The following EML6 variants were observed in gnomAD, a reference collection of about 807,000 sequenced individuals.
EML6 encodes the protein EMAP like 6.
A neutral mutation model predicts 240.1 loss-of-function variants in EML6; 154 were observed. The ratio of observed to expected loss-of-function variants is 0.64; its 90% CI spans 0.56 to 0.73. The LOEUF is 0.73. Among genes scored for constraint, EML6 ranks in the 30% least tolerant of loss-of-function variants. The probability of loss-of-function intolerance (pLI) is 0.00; values close to 1 mark genes in which losing one functional copy is unlikely to be tolerated. For synonymous variants in EML6, 1,148 were observed against 899.0 expected, an observed-to-expected ratio of 1.28 and a Z score of -4.95; for missense variants, 2,964 against 2,474.6, an observed-to-expected ratio of 1.20 and a Z score of -4.20.
rs561012711 is a variant in EML6, at chr2:54,818,202, CCTTA to C, written c.456+1322_456+1325del. Among the ~76,000 whole-genome samples the C allele has an allele frequency of 2.0e-5, 3 of 151,514 alleles. No individual in the cohort carries two copies. The South Asian group carries it at 6.2e-4, about 32-fold the overall frequency. On this transcript the variant is annotated intron_variant, in intron 4 of 41. Coordinates refer to ENST00000356458, the MANE Select transcript of EML6 (RefSeq NM_001039753.4). ...CAAACAGTTTAAACCAGTAAAATCT[CCTTA>C]CTTAGAAAAATAGCCTAATGTAATC...
At chr2:54,822,931 A>G (rs148101591) in intron 5 of EML6, among the ~76,000 whole-genome samples, 1 of 152,360 alleles carries the variant, frequency 6.6e-6, no homozygotes, top group African/African-American at 2.4e-5. Context: ...AACATTTAAT[A>G]ATCCTGTACC....
chr2:54,819,901 G>C (rs1256223321), intron 4 of EML6, among the ~76,000 whole-genome samples: 2 of 152,244 alleles, frequency 1.3e-5, no homozygotes, highest in Admixed American at 6.5e-5. Context: ...GTTAGTGACA[G>C]ATAAATCCCT....
chr2:54,759,779 A>G (rs943895160), intron 2 of EML6, among the ~76,000 whole-genome samples: 1 of 151,968 alleles, frequency 6.6e-6, no homozygotes, highest in African/African-American at 2.4e-5. Context: ...CTATATCCCA[A>G]TGTTAGGCTG....
intron 2 of EML6, among the ~76,000 whole-genome samples, chr2:54,743,785 A>G (rs1437780781): frequency 6.6e-6 from 1 of 152,328 alleles, no homozygotes; most frequent in Middle Eastern, 3.4e-3. Flanking sequence ...TTGTGCTAAC[A>G]TTATATTATA....
chr2:54,781,758 T>C (rs942134411), intron 2 of EML6, among the ~76,000 whole-genome samples: 1 of 152,122 alleles, frequency 6.6e-6, no homozygotes, highest in Non-Finnish European at 1.5e-5. Flanking sequence ...AGGCTTGACC[T>C]CTCTGGGCTC....
chr2:54,955,116 T>A (rs1247299354), intron 32 of EML6, among the ~76,000 whole-genome samples: 1 of 152,232 alleles, frequency 6.6e-6, no homozygotes, highest in Admixed American at 6.5e-5. Context: ...GGTGACATGA[T>A]CTATAATGTT....
intron 7 of EML6, among the ~76,000 whole-genome samples, chr2:54,836,813 C>T (rs1184822380): frequency 6.6e-6 from 1 of 152,190 alleles, no homozygotes; most frequent in African/African-American, 2.4e-5. Flanking sequence ...CACTGGGCTC[C>T]AAAATCATTG....
intron 14 of EML6, chr2:54,868,934 G>A (rs911318835): frequency 3.7e-5 from 16 of 430,244 alleles, no homozygotes; most frequent in South Asian, 3.6e-4. Context: ...AAGAAAAAGC[G>A]CACACAACAG....
At chr2:54,847,430 G>T (rs1669825204) in intron 8 of EML6, 56 bp from the exon 9 acceptor site, 3 of 1,531,936 alleles carry the variant, frequency 2.0e-6, no homozygotes, top group Non-Finnish European at 2.6e-6. Flanking sequence ...CCTTGGGCTG[G>T]CCGATGACCA....
chr2:54,872,848 C>G (rs184784267), intron 16 of EML6, among the ~76,000 whole-genome samples: 203 of 152,302 alleles, frequency 1.3e-3, no homozygotes, highest in African/African-American at 4.7e-3. Flanking sequence ...GGAGAAATAA[C>G]CTGTCCTTTT....
chr2:54,792,966 T>C (rs1236827503), intron 2 of EML6, among the ~76,000 whole-genome samples: 6 of 152,198 alleles, frequency 3.9e-5, no homozygotes, highest in African/African-American at 1.4e-4. Context: ...TTAAAGTTGG[T>C]TTAAAGTTTT....
chr2:54,947,430 A>G (rs1675746877), intron 28 of EML6, among the ~76,000 whole-genome samples: 1 of 152,170 alleles, frequency 6.6e-6, no homozygotes, highest in Non-Finnish European at 1.5e-5. Context: ...ATTATCACTT[A>G]TGATTACATA....
At chr2:54,805,760 A>C (rs1191140297) in intron 2 of EML6, among the ~76,000 whole-genome samples, 1 of 152,110 alleles carries the variant, frequency 6.6e-6, no homozygotes, top group Non-Finnish European at 1.5e-5. Context: ...GAGGTCACAA[A>C]GATTTTCTTA....
intron 9 of EML6, among the ~76,000 whole-genome samples, chr2:54,848,524 T>TACACATACACACAC (rs1669893651): frequency 6.9e-6 from 1 of 145,744 alleles, no homozygotes; most frequent in Non-Finnish European, 1.5e-5. Context: ...GCTTCCACAC[T>TACACATACACACAC]ACACACACAC....
rs954289265 is a variant in EML6 at position 54,895,955 on chromosome 2, A to G, written c.2982+555A>G. On this transcript the variant is annotated intron_variant, in intron 21 of 41. Coordinates refer to ENST00000356458, the MANE Select transcript of EML6 (RefSeq NM_001039753.4). Reference sequence around the variant, plus strand: ...ATTATGTCATCACATATGTGGAATCATAACATTCCATTGCCTTTGCCATAT... The same window carrying G: ...ATTATGTCATCACATATGTGGAATCGTAACATTCCATTGCCTTTGCCATAT... Among the ~76,000 whole-genome samples the G allele has an allele frequency of 1.6e-4, 24 of 152,158 alleles. 1 individual carries two copies. Among genetic ancestry groups the G allele is most frequent in the African/African-American group, 5.8e-4 (24 of 41,450 alleles).
chr2:54,737,083 G>C (rs1003753089), intron 2 of EML6, among the ~76,000 whole-genome samples: 2 of 152,190 alleles, frequency 1.3e-5, no homozygotes, highest in African/African-American at 2.4e-5. Flanking sequence ...GGTGAAATTT[G>C]AATGTGGGAC....
intron 28 of EML6, among the ~76,000 whole-genome samples, chr2:54,944,382 G>A (rs950408817): frequency 2.0e-5 from 3 of 152,026 alleles, no homozygotes; most frequent in Non-Finnish European, 4.4e-5. Flanking sequence ...ATCCCCTAAA[G>A]ACTCTCCATG....
chr2:54,828,492 C>T (rs1405307870), intron 6 of EML6, among the ~76,000 whole-genome samples: 1 of 152,184 alleles, frequency 6.6e-6, no homozygotes, highest in Admixed American at 6.5e-5. Context: ...AAATGGTAAG[C>T]CTTTAGCTTA....
chr2:54,827,163 A>G lies in EML6; in HGVS notation c.526-403A>G, dbSNP rs75103072. 2.4e-3 allele frequency among the ~76,000 whole-genome samples: 365 copies of G among 152,240 alleles called. 4 individuals are homozygous for G. The highest frequency in any genetic ancestry group is 8.4e-3 in the African/African-American group (348 of 41,538). ...ATTCCAGAAGTTACAGACTATCACA[A>G]TTTTCCTTTTTATACTTATCTGTGT... On this transcript the variant is annotated intron_variant, in intron 5 of 41. Coordinates refer to ENST00000356458, the MANE Select transcript of EML6 (RefSeq NM_001039753.4).
Sources: allele counts gnomAD v4.1 joint callset (sites outside exome capture counted in the v4.1 genomes callset), GRCh38; gene constraint gnomAD v4.1.1; transcripts MANE v1.5; gene names NCBI Gene and HGNC (gene_info 2026-07-23, HGNC 2026-07-21).